Variants in ZNF804B observed in about 807,000 individuals in gnomAD.
The protein encoded by ZNF804B is zinc finger 804B.
Under a neutral mutation model 101.4 loss-of-function variants are expected in ZNF804B, and 80 were observed. The observed-to-expected ratio is 0.79, with a 90% confidence interval of 0.66 to 0.95. ZNF804B has a LOEUF of 0.95. Ranked by LOEUF, ZNF804B falls within the 40% of genes least tolerant of loss-of-function variation. The pLI is 0.00. For missense variants in ZNF804B, 1,673 were observed against 1,561.9 expected (o/e 1.07, Z -1.20); for synonymous variants, 622 against 558.8 (o/e 1.11, Z -1.59).
At chr7:88,899,775 C>A (rs534163988) in intron 1 of ZNF804B, among the ~76,000 whole-genome samples, 7 of 152,046 alleles carry the variant, frequency 4.6e-5, no homozygotes, top group African/African-American at 1.7e-4. Context: ...CCTCAGATAC[C>A]CATATCTCCT....
At chr7:89,220,722 G>T (rs1441342454) in intron 2 of ZNF804B, among the ~76,000 whole-genome samples, 1 of 151,860 alleles carries the variant, frequency 6.6e-6, no homozygotes, top group Non-Finnish European at 1.5e-5. Context: ...TACCTTAGTG[G>T]TCTTATAAAT....
chr7:89,228,848 CA>C lies in ZNF804B; in HGVS notation c.249+10554del, dbSNP rs1322939511. Among the ~76,000 whole-genome samples the C allele has an allele frequency of 6.6e-5, 10 of 152,270 alleles. 1 individual carries two copies. Among genetic ancestry groups the C allele is most frequent in the African/African-American group, 2.4e-4 (10 of 41,582 alleles). ...ACTCGTTGGGGAGGCTCCGGCGGCA[CA>C]GGGGCGCACGGAGCAGGTAGGGGGA... is the stretch of plus-strand genomic sequence containing the variant. On this transcript the variant is annotated intron_variant, in intron 2 of 3. Transcript: ENST00000333190.
chr7:89,043,955 A>C (rs187494876), intron 1 of ZNF804B, among the ~76,000 whole-genome samples: 175 of 152,346 alleles, frequency 1.1e-3, no homozygotes, highest in African/African-American at 4.1e-3. Flanking sequence ...TAAAGAATTT[A>C]TGGTATATAT....
intron 1 of ZNF804B, among the ~76,000 whole-genome samples, chr7:89,203,596 GA>G (rs914057607): frequency 6.6e-6 from 1 of 151,930 alleles, no homozygotes; most frequent in African/African-American, 2.4e-5. Flanking sequence ...CTCTAAGTTT[GA>G]AATTAAATTA....
chr7:89,105,587 C>G (rs1401709181), intron 1 of ZNF804B, among the ~76,000 whole-genome samples: 4 of 152,088 alleles, frequency 2.6e-5, no homozygotes, highest in Non-Finnish European at 5.9e-5. Flanking sequence ...ACTATCTCAA[C>G]CCATGTTTGC....
intron 1 of ZNF804B, among the ~76,000 whole-genome samples, chr7:88,762,788 C>CA (rs1455935134): frequency 2.6e-5 from 4 of 151,614 alleles, no homozygotes; most frequent in Non-Finnish European, 5.9e-5. Context: ...CACTGAAACT[C>CA]AGTTTATTTA....
chr7:89,015,832 A>C (rs1788544016), intron 1 of ZNF804B, among the ~76,000 whole-genome samples: 1 of 152,202 alleles, frequency 6.6e-6, no homozygotes, highest in Admixed American at 6.5e-5. Flanking sequence ...CATGATTTAT[A>C]GTCCTTTGGG....
chr7:89,052,896 G>C (rs1235434661), intron 1 of ZNF804B, among the ~76,000 whole-genome samples: 4 of 152,140 alleles, frequency 2.6e-5, no homozygotes, highest in Non-Finnish European at 2.9e-5. Flanking sequence ...ATGTTTGAAA[G>C]ACATATTTGG....
At chr7:89,309,158 A>G (rs1158447182) in intron 2 of ZNF804B, among the ~76,000 whole-genome samples, 4 of 151,916 alleles carry the variant, frequency 2.6e-5, no homozygotes, top group Non-Finnish European at 4.4e-5. Context: ...CCCCACTTTG[A>G]AATCCCAGTG....
chr7:88,794,523 C>A (rs1197985791), intron 1 of ZNF804B: 17 of 1,613,632 alleles, frequency 1.1e-5, no homozygotes, highest in Non-Finnish European at 1.3e-5. Flanking sequence ...TAAAAAGCCT[C>A]ATTGGAATGT....
chr7:88,785,425 A>G (rs1790286338), intron 1 of ZNF804B, among the ~76,000 whole-genome samples: 1 of 152,138 alleles, frequency 6.6e-6, no homozygotes, highest in Non-Finnish European at 1.5e-5. Context: ...TTGTTGTAAT[A>G]GCCTCTTCTC....
chr7:89,139,633 T>C (rs2189070), intron 1 of ZNF804B, among the ~76,000 whole-genome samples: 19,608 of 152,086 alleles, frequency 0.13, 1,402 homozygotes, highest in Non-Finnish European at 0.15. Flanking sequence ...AAAAACACTT[T>C]CTTTGCTCAT....
chr7:88,790,620 T>C (rs1268760514), intron 1 of ZNF804B, among the ~76,000 whole-genome samples: 1 of 152,140 alleles, frequency 6.6e-6, no homozygotes, highest in African/African-American at 2.4e-5. Flanking sequence ...TTTTTCTGTA[T>C]AGTATATATT....
At chr7:89,062,205 A>G (rs1789392074) in intron 1 of ZNF804B, among the ~76,000 whole-genome samples, 2 of 152,138 alleles carry the variant, frequency 1.3e-5, no homozygotes, top group African/African-American at 4.8e-5. Flanking sequence ...ACATACTTAG[A>G]AATCATTCTG....
chr7:88,760,667 A>C (rs1789881240), intron 1 of ZNF804B, among the ~76,000 whole-genome samples: 1 of 152,052 alleles, frequency 6.6e-6, no homozygotes. Context: ...TAATATACAA[A>C]TATATTAACA....
At chr7:89,257,735 A>T (rs113008884) in intron 2 of ZNF804B, among the ~76,000 whole-genome samples, 1,707 of 152,236 alleles carry the variant, frequency 0.011, 39 homozygotes, top group African/African-American at 0.039. Context: ...ATAGTACCTA[A>T]TAGGTAGTTG....
At chr7:89,193,255 T>A (rs1302390858) in intron 1 of ZNF804B, among the ~76,000 whole-genome samples, 1 of 141,784 alleles carries the variant, frequency 7.1e-6, no homozygotes, top group Non-Finnish European at 1.5e-5. Flanking sequence ...AACCCTATCA[T>A]CTCAGCCCAA....
At chr7:88,883,647 G>A (rs1330221882) in intron 1 of ZNF804B, among the ~76,000 whole-genome samples, 2 of 152,056 alleles carry the variant, frequency 1.3e-5, no homozygotes, top group African/African-American at 4.8e-5. Context: ...CAAATCATAT[G>A]CTTGTTAAAC....
chr7:89,105,398 A>G (rs1790119297), intron 1 of ZNF804B, among the ~76,000 whole-genome samples: 1 of 152,136 alleles, frequency 6.6e-6, no homozygotes, highest in Admixed American at 6.6e-5. Flanking sequence ...TTTTAACTTT[A>G]GTAACTGAAC....
Sources: allele counts gnomAD v4.1 joint callset (sites outside exome capture counted in the v4.1 genomes callset), GRCh38; gene constraint gnomAD v4.1.1; transcripts MANE v1.5; gene names NCBI Gene and HGNC (gene_info 2026-07-23, HGNC 2026-07-21).